PCDHGB2: variants seen among roughly 807,000 people sequenced by gnomAD.
The protein encoded by PCDHGB2 is protocadherin gamma subfamily B, 2.
PCDHGB2 carries 55 observed loss-of-function variants against 59.3 expected under a neutral mutation model. The ratio of observed to expected loss-of-function variants is 0.93; its 90% CI spans 0.75 to 1.16. PCDHGB2 has a LOEUF of 1.16. Among genes scored for constraint, PCDHGB2 ranks in the 50% most tolerant of loss-of-function variants. The probability of loss-of-function intolerance (pLI) is 0.00; values close to 1 mark genes in which losing one functional copy is unlikely to be tolerated. For synonymous variants in PCDHGB2, 516 were observed against 512.0 expected (o/e 1.01, Z -0.11); for missense variants, 1,228 against 1,198.5 (o/e 1.02, Z -0.36).
At chr5:141,470,022 G>C (rs892106953) in intron 1 of PCDHGB2, among the ~76,000 whole-genome samples, 2 of 152,070 alleles carry the variant, frequency 1.3e-5, no homozygotes, top group African/African-American at 4.8e-5. Context: ...CCAGCTACTC[G>C]GGATGCTGAG....
chr5:141,480,381 C>T (rs1018981416), intron 1 of PCDHGB2, among the ~76,000 whole-genome samples: 2 of 151,926 alleles, frequency 1.3e-5, no homozygotes, highest in Non-Finnish European at 2.9e-5. Context: ...CACCACTACA[C>T]TTCAACCATG....
At position 141,361,176 on chromosome 5, in the gene PCDHGB2, T is replaced by A. The variant is rs2149821588; in HGVS notation, c.1041T>A (p.Val347=). Residue 347 remains valine (V), a synonymous_variant, in exon 1 of 4, where the codon GTT becomes GTA. Coordinates refer to ENST00000522605, the MANE Select transcript of PCDHGB2 (RefSeq NM_018923.3). ...ILDDNDCAPE[V]IVTSVSTPLP... The stretch of plus-strand genomic sequence containing the variant: ...ATGACAACGATTGTGCACCTGAAGT[T>A]ATTGTGACTTCAGTATCTACTCCCC... 1 of 1,613,882 alleles carries A rather than the reference T, an allele frequency of 6.2e-7. No homozygotes were observed. Among genetic ancestry groups the A allele is most frequent in the Non-Finnish European group, 8.5e-7 (1 of 1,179,850 alleles).
Position 141,487,494 on chromosome 5 carries a change from C to A in PCDHGB2, c.2422-7313C>A, listed in dbSNP as rs116370895. On this transcript the variant is annotated intron_variant, in intron 1 of 3. Transcript: ENST00000522605. The surrounding 1 kb of genome is among the most constrained non-coding windows in gnomAD (Gnocchi z 5.0). The stretch of plus-strand genomic sequence containing the variant: ...GGAGGCCACTCTCATGGCTGTACAC[C>A]CTTGGCTTCTGCACCCACTCGGAGT... 1,421 of 1,614,120 alleles carry A rather than the reference C, an allele frequency of 8.8e-4. 3 individuals are homozygous for A. Among genetic ancestry groups the A allele is most frequent in the Non-Finnish European group, 1.2e-3 (1,358 of 1,180,034 alleles).
At chr5:141,372,684 G>T in intron 1 of PCDHGB2, 10 of 1,613,968 alleles carry the variant, frequency 6.2e-6, no homozygotes, top group Non-Finnish European at 8.5e-6. Context: ...CTCAAACACC[G>T]AGTTTAAATT....
At chr5:141,497,956 C>T (rs2099780659) in intron 2 of PCDHGB2, among the ~76,000 whole-genome samples, 1 of 152,214 alleles carries the variant, frequency 6.6e-6, no homozygotes, top group African/African-American at 2.4e-5. Flanking sequence ...TTCTGTTGGC[C>T]AGGCAGTGTT....
Position 141,490,652 on chromosome 5 carries a change from C to T in PCDHGB2, c.2422-4155C>T, listed in dbSNP as rs1277273880. The T allele has an allele frequency of 1.2e-6, 2 of 1,614,208 alleles. No individual in the cohort carries two copies. The highest frequency in any genetic ancestry group is 1.7e-6 in the Non-Finnish European group (2 of 1,180,026). On this transcript the variant is annotated intron_variant, in intron 1 of 3. Coordinates refer to ENST00000522605, the MANE Select transcript of PCDHGB2 (RefSeq NM_018923.3). The surrounding 1 kb of genome is among the most constrained non-coding windows in gnomAD (Gnocchi z 5.4). ...ATCCTAGAAAACCGGCCTCCGGGCT[C>T]CCTTCTTTGCACTGTGGCTGCCTCA...
intron 1 of PCDHGB2, chr5:141,383,720 A>T (rs963032230): frequency 1.2e-5 from 19 of 1,613,888 alleles, no homozygotes; most frequent in Non-Finnish European, 1.6e-5. Flanking sequence ...GAGGGAGTCA[A>T]TGGGGAAGTG....
rs1048758308 is a variant in PCDHGB2 at position 141,498,931 on chromosome 5, A to T, written c.2480+4066A>T. Among the ~76,000 whole-genome samples the T allele has an allele frequency of 6.2e-4, 88 of 141,764 alleles. 1 individual carries two copies. Among genetic ancestry groups the T allele is most frequent in the Non-Finnish European group, 1.1e-3 (70 of 64,686 alleles). 93.0% of individuals were successfully genotyped at this position (141,764 alleles called of 152,430 possible). On this transcript the variant is annotated intron_variant, in intron 2 of 3. Coordinates refer to ENST00000522605, the MANE Select transcript of PCDHGB2 (RefSeq NM_018923.3). ...CTGGGTGACAGAGCGAGACTCCATC[A>T]GGAAAGAAAGAAAGAAAAAGAGAGA... is the stretch of plus-strand genomic sequence containing the variant.
intron 1 of PCDHGB2, chr5:141,415,215 C>A: frequency 6.2e-7 from 1 of 1,614,106 alleles, no homozygotes; most frequent in South Asian, 1.1e-5. Flanking sequence ...CGGACCTCGG[C>A]AGCTTCGAGT....
In PCDHGB2 at chr5:141,500,954, C is replaced by T. The variant is rs536993707; in HGVS notation, c.2481-4439C>T. On this transcript the variant is annotated intron_variant, in intron 2 of 3. Coordinates refer to ENST00000522605, the MANE Select transcript of PCDHGB2 (RefSeq NM_018923.3). Reference sequence around the variant, plus strand: ...CGCCATCTCGGCTCACTGCAAGCTCCACCTCCTGGGTTCAAGCAATTCTCC... The same window carrying T: ...CGCCATCTCGGCTCACTGCAAGCTCTACCTCCTGGGTTCAAGCAATTCTCC... Among the ~76,000 whole-genome samples the T allele has an allele frequency of 2.4e-3, 358 of 152,060 alleles. 1 individual carries two copies. The highest frequency in any genetic ancestry group is 4.1e-3 in the Admixed American group (63 of 15,282).
chr5:141,419,566 C>T (rs765992004), intron 1 of PCDHGB2: 4 of 1,611,790 alleles, frequency 2.5e-6, no homozygotes, highest in East Asian at 2.2e-5. Flanking sequence ...CGCTGGGTCC[C>T]GACGGCTCCG....
rs765885822 is a variant in PCDHGB2 at position 141,361,298 on chromosome 5, G to A, written c.1163G>A (p.Gly388Glu). ...GGAGAAGTTTACTGCCAAGTGTTGG[G>A]AAATGCCAAGTTTATTTTGAAATCT... ...ENGEVYCQVLGNAKFILKSSS... is the reference protein window; with the variant it reads ...ENGEVYCQVLENAKFILKSSS... The change falls in exon 1 of 4, where the codon GGA becomes GAA. Residue 388 changes from glycine (G) to glutamate (E), a missense_variant. Coordinates refer to ENST00000522605, the MANE Select transcript of PCDHGB2 (RefSeq NM_018923.3). 170 of 1,613,882 alleles carry A rather than the reference G, an allele frequency of 1.1e-4. No individual in the cohort carries two copies. Among genetic ancestry groups the A allele is most frequent in the Non-Finnish European group, 1.3e-4 (151 of 1,179,896 alleles).
At chr5:141,405,277 T>C (rs770051288) in intron 1 of PCDHGB2, 5 of 1,614,196 alleles carry the variant, frequency 3.1e-6, no homozygotes, top group Non-Finnish European at 4.2e-6. Context: ...AGCCCAACTA[T>C]GCAGACACAC....
At chr5:141,408,884 A>G (rs755835568) in intron 1 of PCDHGB2, 2 of 1,613,384 alleles carry the variant, frequency 1.2e-6, no homozygotes, top group Non-Finnish European at 1.7e-6. Context: ...CACCGCTCAC[A>G]TAGAAATTTC....
intron 2 of PCDHGB2, 79 bp downstream of exon 2, chr5:141,494,944 C>T: frequency 1.9e-6 from 3 of 1,609,850 alleles, no homozygotes; most frequent in Non-Finnish European, 2.5e-6. Context: ...TGGGGGAGGG[C>T]CCAGCATTTG....
intron 1 of PCDHGB2, chr5:141,410,134 C>G (rs573769764): frequency 6.2e-7 from 1 of 1,612,766 alleles, no homozygotes; most frequent in Admixed American, 1.7e-5. Context: ...GCCTGCTGGT[C>G]GCTGTGCGTG....
chr5:141,388,910 C>T, intron 1 of PCDHGB2: 1 of 1,613,852 alleles, frequency 6.2e-7, no homozygotes, highest in East Asian at 2.2e-5. Context: ...ATGACAACGC[C>T]CCAGAAGTGA....
At position 141,477,591 on chromosome 5, in the gene PCDHGB2, T is replaced by C; in HGVS notation, c.2422-17216T>C. On this transcript the variant is annotated intron_variant, in intron 1 of 3. Coordinates refer to ENST00000522605, the MANE Select transcript of PCDHGB2 (RefSeq NM_018923.3). This position sits in a 1 kb window ranked among gnomAD's most constrained non-coding sequence, Gnocchi z 4.9. Reference sequence around the variant, plus strand: ...CCCGACGCCCCGCAGAATGCTCGGCTTTCTTTCTTTCTCTTGGAGCAAGGA... The same window carrying C: ...CCCGACGCCCCGCAGAATGCTCGGCCTTCTTTCTTTCTCTTGGAGCAAGGA... The C allele has an allele frequency of 6.2e-7, 1 of 1,614,136 alleles. No homozygotes were observed. The highest frequency in any genetic ancestry group is 8.5e-7 in the Non-Finnish European group (1 of 1,180,016).
chr5:141,384,450 G>T (rs756281053), intron 1 of PCDHGB2: 1 of 1,614,042 alleles, frequency 6.2e-7, no homozygotes, highest in South Asian at 1.1e-5. Context: ...TGTACGCGCT[G>T]CAATCCTTTG....
Sources: allele counts gnomAD v4.1 joint callset (sites outside exome capture counted in the v4.1 genomes callset), GRCh38; gene constraint gnomAD v4.1.1; non-coding constraint Gnocchi (gnomAD v3.1); transcripts MANE v1.5; gene names NCBI Gene and HGNC (gene_info 2026-07-23, HGNC 2026-07-21).